MIB2: variants seen among roughly 807,000 people sequenced by gnomAD.
MIB2 encodes the protein E3 ubiquitin-protein ligase MIB2.
In MIB2, 78 loss-of-function variants were observed where a neutral mutation model predicts 96.6. The observed-to-expected ratio is 0.81, with a 90% CI of 0.67 to 0.97. The LOEUF is 0.97. Ranked by LOEUF, MIB2 falls within the 50% of genes least tolerant of loss-of-function variation. The probability of loss-of-function intolerance (pLI) is 0.00; values close to 1 mark genes in which losing one functional copy is unlikely to be tolerated. For synonymous variants in MIB2, 820 were observed against 629.5 expected, an observed-to-expected ratio of 1.30 and a Z score of -4.53; for missense variants, 1,543 against 1,424.0, an observed-to-expected ratio of 1.08 and a Z score of -1.35.
chr1:1,620,338 G>A (rs78656035), intron 2 of MIB2, among the ~76,000 whole-genome samples: 4,405 of 152,180 alleles, frequency 0.029, 184 homozygotes, highest in East Asian at 0.21. Flanking sequence ...CATCTCCATT[G>A]CCGGGCCCAT....
intron 2 of MIB2, chr1:1,623,038 A>T (rs1395663145): frequency 3.0e-6 from 1 of 330,938 alleles, no homozygotes. Flanking sequence ...CAACCATGTG[A>T]GTGTCTCGGG....
At chr1:1,616,396 G>A (rs963803958) in intron 1 of MIB2, 112 bp from the exon 2 acceptor site, 19 of 773,308 alleles carry the variant, frequency 2.5e-5, no homozygotes, top group Non-Finnish European at 3.5e-5. Flanking sequence ...GAGTGTCGCG[G>A]CCGTGGGCCC....
chr1:1,628,530 C>T lies in MIB2; in HGVS notation c.2010C>T (p.Ser670=), dbSNP rs189368955. The change falls in exon 16 of 20, where the codon TCC becomes TCT. Residue 670 remains serine (S), a synonymous_variant. Coordinates refer to ENST00000355826, the MANE Select transcript of MIB2 (RefSeq NM_001170687.4). The part of the protein sequence containing the change: ...DVNVRNRKLQ[S]PLHLAVQQAH... The stretch of plus-strand genomic sequence containing the variant: ...ACGTGCGCAACCGGAAGCTGCAGTC[C>T]CCGCTGCATCTCGCCGTGCAACAGG... 7.6e-5 allele frequency: 122 copies of T among 1,601,096 alleles called. No individual in the cohort carries two copies. The African/African-American group carries it at 1.5e-3, about 20-fold the overall frequency.
rs985391627 is a variant in MIB2, at chr1:1,623,448, C to T, written c.-5C>T. On this transcript the variant is annotated 5_prime_UTR_variant, in exon 3 of 20. Transcript: ENST00000355826. ...GCCCACAGGTCCCGAGCAGCCCCGC[C>T]CAACATGGACCCAGACCCCCAGGCG... The T allele has an allele frequency of 1.2e-6, 2 of 1,600,662 alleles. No homozygotes were observed. Among genetic ancestry groups the T allele is most frequent in the Middle Eastern group, 2.0e-4 (1 of 4,928 alleles).
intron 4 of MIB2, chr1:1,624,156 C>G (rs950656065): frequency 1.5e-5 from 9 of 596,038 alleles, no homozygotes; most frequent in African/African-American, 3.7e-5. Flanking sequence ...CATCAGGCAG[C>G]CAGCATCCCC....
chr1:1,630,400 T>A lies in MIB2; in HGVS notation c.2738T>A (p.Ile913Asn). 1 of 1,570,004 alleles carries A rather than the reference T, an allele frequency of 6.4e-7. No individual in the cohort carries two copies. The highest frequency in any genetic ancestry group is 8.6e-7 in the Non-Finnish European group (1 of 1,160,134). ...RQMEERITCPICIDSHIRLVF... is the reference protein window; with the variant it reads ...RQMEERITCPNCIDSHIRLVF... Reference sequence around the variant, plus strand: ...ATGGAGGAACGCATCACCTGCCCCATCTGCATCGACAGCCACATCCGCCTC... The same window carrying A: ...ATGGAGGAACGCATCACCTGCCCCAACTGCATCGACAGCCACATCCGCCTC... Residue 913 changes from isoleucine to asparagine, a missense_variant, in exon 20 of 20, where the codon ATC (isoleucine) becomes AAC (asparagine). Coordinates refer to ENST00000355826, the MANE Select transcript of MIB2 (RefSeq NM_001170687.4).
intron 1 of MIB2, chr1:1,616,088 T>G (rs1306561396): frequency 1.0e-5 from 10 of 983,914 alleles, no homozygotes; most frequent in Non-Finnish European, 1.1e-5. Context: ...TCCGGGCAAG[T>G]TGGGGTCGGC....
chr1:1,629,187 G>T lies in MIB2; in HGVS notation c.2257G>T (p.Ala753Ser). 1 of 1,511,346 alleles carries T rather than the reference G, an allele frequency of 6.6e-7. No homozygotes were observed. The highest frequency in any genetic ancestry group is 8.8e-7 in the Non-Finnish European group (1 of 1,138,156). 93.6% of individuals were successfully genotyped at this position (1,511,346 alleles called of 1,614,324 possible). A position where few individuals can be genotyped will look rare whatever the true frequency, so the allele number is the denominator to read the frequency against. ...SAELTVGAAV[A>S]CFLALEGADV... is the part of the protein sequence containing the mutation. The stretch of plus-strand genomic sequence containing the variant: ...GGAGCTGACGGTGGGCGCGGCGGTC[G>T]CCTGCTTCCTGGCGCTGGAGGGCGC... The change falls in exon 17 of 20, where the codon GCC (alanine) becomes TCC (serine). Residue 753 changes from alanine to serine, a missense_variant. Transcript: ENST00000355826.
At position 1,627,835 on chromosome 1, in the gene MIB2, TGCTGCTCCCTG is replaced by T; in HGVS notation, c.1680+9_1680+19del. On this transcript the variant is annotated splice_region_variant and intron_variant, in intron 13 of 19. Transcript: ENST00000355826. ...GCTGTGACGTCAACCTGCCCGTGAG[TGCTGCTCCCTG>T]GCCTGGGTGCCCCCTGCCCGTGAGT... The T allele has an allele frequency of 6.3e-7, 1 of 1,592,500 alleles. No homozygotes were observed. The highest frequency in any genetic ancestry group is 8.5e-7 in the Non-Finnish European group (1 of 1,179,018).
chr1:1,623,597 G>T lies in MIB2; in HGVS notation c.145G>T (p.Asp49Tyr). The T allele has an allele frequency of 6.6e-7, 1 of 1,506,700 alleles. No homozygotes were observed. 93.3% of individuals were successfully genotyped at this position (1,506,700 alleles called of 1,614,324 possible). A position where few individuals can be genotyped will look rare whatever the true frequency, so the allele number is the denominator to read the frequency against. Reference sequence around the variant, plus strand: ...CCGCCACGGCAGCCCCTCGACACCCGACCGCACAGTGGTCGTGCAGTGGGA... The same window carrying T: ...CCGCCACGGCAGCCCCTCGACACCCTACCGCACAGTGGTCGTGCAGTGGGA... ...LGRHGSPSTP[D>Y]RTVVVQWDQG... Residue 49 changes from aspartate to tyrosine, a missense_variant, in exon 3 of 20, where the codon GAC (aspartate) becomes TAC (tyrosine). Transcript: ENST00000355826.
At position 1,626,095 on chromosome 1, in the gene MIB2, A is replaced by G; in HGVS notation, c.972+442A>G. 1 of 204,868 alleles carries G rather than the reference A, an allele frequency of 4.9e-6. No individual in the cohort carries two copies. The highest frequency in any genetic ancestry group is 9.8e-6 in the Non-Finnish European group (1 of 101,914). 12.7% of individuals were successfully genotyped at this position (204,868 alleles called of 1,614,324 possible). ...AGCAGGATGGCAGGGAGGGGGCTGG[A>G]GGTGGTGGCGGTGGCAGCTTGGATG... On this transcript the variant is annotated intron_variant, in intron 8 of 19. Coordinates refer to ENST00000355826, the MANE Select transcript of MIB2 (RefSeq NM_001170687.4). The surrounding 1 kb of genome is among the most constrained non-coding windows in gnomAD (Gnocchi z 5.3).
upstream of MIB2, chr1:1,615,107 A>G (rs1009639605): frequency 1.7e-5 from 5 of 292,404 alleles, no homozygotes; most frequent in Admixed American, 2.7e-4. Context: ...AGCGAGAAGC[A>G]AGCGTCCAAC....
In MIB2 at chr1:1,626,742, C is replaced by T. The variant is rs113413760; in HGVS notation, c.1065C>T (p.Asp355=). 6.6e-5 allele frequency: 105 copies of T among 1,593,318 alleles called. No individual in the cohort carries two copies. The African/African-American group carries it at 1.0e-3, about 15-fold the overall frequency. The part of the protein sequence containing the change: ...RLQAGHGEWT[D]DMAPALGRVG... Reference sequence around the variant, plus strand: ...AGGCTGGGCATGGCGAGTGGACGGACGACATGGCCCCTGTGAGTCCCCCTG... The same window carrying T: ...AGGCTGGGCATGGCGAGTGGACGGATGACATGGCCCCTGTGAGTCCCCCTG... The change falls in exon 9 of 20, where the codon GAC becomes GAT. Residue 355 remains aspartate (D), a synonymous_variant. Transcript: ENST00000355826. This position sits in a 1 kb window ranked among gnomAD's most constrained non-coding sequence, Gnocchi z 5.3.
chr1:1,624,665 C>CT, intron 4 of MIB2, 130 bp from the exon 5 acceptor site: 1 of 842,230 alleles, frequency 1.2e-6, no homozygotes, highest in South Asian at 1.4e-5. Context: ...CGGGCAAGAG[C>CT]TGGGGCTGCG....
rs1357552719 is a variant in MIB2 at position 1,616,611 on chromosome 1, A to G, written c.-26A>G. 1.9e-6 allele frequency: 3 copies of G among 1,590,476 alleles called. No individual in the cohort carries two copies. The highest frequency in any genetic ancestry group is 1.7e-6 in the Non-Finnish European group (2 of 1,167,990). ...GCCCGGCGGGCGACTGGACGGCCGG[A>G]CAGGTGAGCTCTTGATCGTCCGCGG... On this transcript the variant is annotated 5_prime_UTR_variant, in exon 2 of 20. Coordinates refer to ENST00000355826, the MANE Select transcript of MIB2 (RefSeq NM_001170687.4).
At chr1:1,620,057 C>T (rs1644112536) in intron 2 of MIB2, among the ~76,000 whole-genome samples, 1 of 152,256 alleles carries the variant, frequency 6.6e-6, no homozygotes, top group Non-Finnish European at 1.5e-5. Flanking sequence ...CTGCTGGTGA[C>T]CTCCCCGACA....
In MIB2 at chr1:1,616,732, G is replaced by A. The variant is rs565471634; in HGVS notation, c.-23+118G>A. On this transcript the variant is annotated intron_variant, in intron 2 of 19. Coordinates refer to ENST00000355826, the MANE Select transcript of MIB2 (RefSeq NM_001170687.4). ...GTCTGAGCATGCATGCGAGTGGAGG[G>A]GAGTGGTGAGTAATCCCGCGTCTCC... 1.2e-3 allele frequency: 915 copies of A among 760,606 alleles called. 1 individual carries two copies. The highest frequency in any genetic ancestry group is 1.9e-3 in the Admixed American group (64 of 33,508). 47.1% of individuals were successfully genotyped at this position (760,606 alleles called of 1,614,324 possible). A position where few individuals can be genotyped will look rare whatever the true frequency, so the allele number is the denominator to read the frequency against.
At chr1:1,630,025 C>G (rs1638507671) in intron 19 of MIB2, among the ~76,000 whole-genome samples, 1 of 148,746 alleles carries the variant, frequency 6.7e-6, no homozygotes, top group African/African-American at 2.5e-5. Flanking sequence ...GAGCACCGCC[C>G]CCCCATCACA....
intron 2 of MIB2, among the ~76,000 whole-genome samples, chr1:1,620,299 C>T (rs1023271110): frequency 1.3e-5 from 2 of 152,146 alleles, no homozygotes; most frequent in Non-Finnish European, 2.9e-5. Flanking sequence ...GGGCTCATGG[C>T]ATTGGCTTTT....
Sources: gnomAD v4.1 joint callset for allele counts (sites outside exome capture counted in the v4.1 genomes callset) on GRCh38, gnomAD v4.1.1 for gene constraint, Gnocchi (gnomAD v3.1) non-coding constraint, MANE v1.5 for transcripts, NCBI Gene and HGNC (gene_info 2026-07-23, HGNC 2026-07-21) for gene names.